GFPT2: variants seen among roughly 807,000 people sequenced by gnomAD.
The protein encoded by GFPT2 is glutamine--fructose-6-phosphate aminotransferase [isomerizing] 2.
In GFPT2, 62 loss-of-function variants were observed where a neutral mutation model predicts 85.6. The ratio of observed to expected loss-of-function variants is 0.72; its 90% CI spans 0.59 to 0.90. The LOEUF is 0.90. Among genes scored for constraint, GFPT2 ranks in the 40% least tolerant of loss-of-function variants. GFPT2 has a pLI of 0.00. For missense variants in GFPT2, 788 were observed against 893.4 expected (o/e 0.88, Z 1.50); for synonymous variants, 368 against 344.5 (o/e 1.07, Z -0.75).
intron 2 of GFPT2, among the ~76,000 whole-genome samples, chr5:180,337,429 G>A (rs1216119675): frequency 4.0e-5 from 6 of 149,602 alleles, no homozygotes. Flanking sequence ...CTTCAGCCTG[G>A]GTGACAGAGC....
intron 9 of GFPT2, among the ~76,000 whole-genome samples, chr5:180,321,933 G>A (rs910865651): frequency 1.6e-4 from 25 of 151,782 alleles, no homozygotes; most frequent in African/African-American, 3.9e-4. Context: ...ACAGGCCTCC[G>A]CCACCACGCC....
chr5:180,322,893 G>C (rs1027157677), intron 9 of GFPT2, among the ~76,000 whole-genome samples: 1 of 151,892 alleles, frequency 6.6e-6, no homozygotes, highest in Non-Finnish European at 1.5e-5. Context: ...AAAATTAGCC[G>C]GGCGTGGTGG....
At chr5:180,315,810 T>C (rs1438844257) in intron 13 of GFPT2, among the ~76,000 whole-genome samples, 4 of 152,054 alleles carry the variant, frequency 2.6e-5, no homozygotes, top group Non-Finnish European at 4.4e-5. Context: ...CCAGATGGGG[T>C]GCATGTAGCT....
chr5:180,312,705 T>A (rs1763917401), intron 14 of GFPT2, among the ~76,000 whole-genome samples, 161 bp from the exon 15 acceptor site: 1 of 152,122 alleles, frequency 6.6e-6, no homozygotes, highest in African/African-American at 2.4e-5. Flanking sequence ...CACCTCAGCC[T>A]CCCGAGTAAC....
rs934631973 is a variant in GFPT2 at position 180,323,996 on chromosome 5, C to A, written c.794+192G>T. 6.6e-5 allele frequency among the ~76,000 whole-genome samples: 10 copies of A among 152,270 alleles called. No homozygotes were observed. Among genetic ancestry groups the A allele is most frequent in the African/African-American group, 2.4e-4 (10 of 41,480 alleles). On this transcript the variant is annotated intron_variant, in intron 9 of 18. Transcript: ENST00000253778. This position sits in a 1 kb window ranked among gnomAD's most constrained non-coding sequence, Gnocchi z 4.0. ...GGCCTTTGGCCACCAGGGCTGCCTA[C>A]CACAGTCATGCAGGTGCTCCTAGGA... is the stretch of plus-strand genomic sequence containing the variant.
At chr5:180,324,379 T>C (rs1764173798) in intron 8 of GFPT2, 74 bp from the exon 9 acceptor site, 1 of 883,300 alleles carries the variant, frequency 1.1e-6, no homozygotes, top group South Asian at 1.6e-5. Context: ...AGGAACCAAT[T>C]TCCCCTCTGA....
At chr5:180,349,075 C>G (rs988465403) in intron 1 of GFPT2, among the ~76,000 whole-genome samples, 1 of 151,776 alleles carries the variant, frequency 6.6e-6, no homozygotes, top group Non-Finnish European at 1.5e-5. Context: ...GCCAGTGTCC[C>G]TTTCATTCTT....
In GFPT2 at chr5:180,330,617, T is replaced by C. The variant is rs941185696; in HGVS notation, c.534+83A>G. The C allele has an allele frequency of 5.2e-6, 6 of 1,158,894 alleles. No individual in the cohort carries two copies. The East Asian group carries it at 7.0e-5, about 14-fold the overall frequency. The allele number at this position is 1,158,894 out of a possible 1,614,324, so 71.8% of individuals were successfully genotyped here. ...ACAAGGGCTTATAAAAAATGAAGGA[T>C]TCCTTGGCACTTGCTGCTTGAAAAA... On this transcript the variant is annotated intron_variant, in intron 6 of 18. Transcript: ENST00000253778. The surrounding 1 kb of genome is among the most constrained non-coding windows in gnomAD (Gnocchi z 4.4).
At chr5:180,307,445 C>G (rs916228443) in intron 15 of GFPT2, 142 bp from the exon 16 acceptor site, 3 of 774,508 alleles carry the variant, frequency 3.9e-6, no homozygotes, top group African/African-American at 1.7e-5. Context: ...TCGTTTCAAA[C>G]GTAGATTACA....
At chr5:180,341,886 T>A (rs1189447872) in intron 1 of GFPT2, among the ~76,000 whole-genome samples, 4 of 152,240 alleles carry the variant, frequency 2.6e-5, no homozygotes, top group African/African-American at 9.6e-5. Context: ...GAGGTACTTT[T>A]GTCACCTTAT....
intron 15 of GFPT2, among the ~76,000 whole-genome samples, chr5:180,308,061 C>T (rs1763813019): frequency 6.6e-6 from 1 of 152,098 alleles, no homozygotes; most frequent in Non-Finnish European, 1.5e-5. Context: ...TCGAGACCAT[C>T]CTGGCTAACA....
chr5:180,315,212 C>T (rs1045870257), intron 13 of GFPT2, among the ~76,000 whole-genome samples: 18 of 150,902 alleles, frequency 1.2e-4, no homozygotes, highest in African/African-American at 4.2e-4. Flanking sequence ...GAGTCTCGCT[C>T]TGTCGCCCAG....
intron 2 of GFPT2, among the ~76,000 whole-genome samples, chr5:180,338,093 C>A (rs976788544): frequency 5.9e-5 from 9 of 152,278 alleles, no homozygotes; most frequent in Middle Eastern, 3.4e-3. Flanking sequence ...GAACTGCACT[C>A]CAGCCTGAGT....
chr5:180,325,234 C>T (rs762774234), intron 7 of GFPT2, among the ~76,000 whole-genome samples: 4 of 152,142 alleles, frequency 2.6e-5, no homozygotes, highest in South Asian at 2.1e-4. Context: ...GCAGAGGAGG[C>T]GCTGGTGGGG....
At chr5:180,326,024 CTAAATAAA>C (rs60825853) in intron 7 of GFPT2, among the ~76,000 whole-genome samples, 3,340 of 150,730 alleles carry the variant, frequency 0.022, 125 homozygotes, top group African/African-American at 0.078. Flanking sequence ...GACTCCATCT[CTAAATAAA>C]TAAATAAATA....
At chr5:180,321,183 A>AT (rs142980881) in intron 9 of GFPT2, among the ~76,000 whole-genome samples, 6,736 of 148,262 alleles carry the variant, frequency 0.045, 247 homozygotes, top group South Asian at 0.068. Context: ...ATAGAAATAT[A>AT]TTTTTTTGTA....
rs1763665299 is a variant in GFPT2, at chr5:180,301,169, C to T, written c.*395G>A. The stretch of plus-strand genomic sequence containing the variant: ...ATGAACAGTTTGGCCGTTACCACGG[C>T]TACAGAAAGCCACATACTAGAAAAA... On this transcript the variant is annotated 3_prime_UTR_variant, in exon 19 of 19. Coordinates refer to ENST00000253778, the MANE Select transcript of GFPT2 (RefSeq NM_005110.4). The T allele has an allele frequency of 4.7e-6, 1 of 210,768 alleles. No individual in the cohort carries two copies. The highest frequency in any genetic ancestry group is 9.5e-6 in the Non-Finnish European group (1 of 105,064). The allele number at this position is 210,768 out of a possible 1,614,324, so 13.1% of individuals were successfully genotyped here.
At chr5:180,345,639 C>T (rs1005730850) in intron 1 of GFPT2, among the ~76,000 whole-genome samples, 3 of 152,234 alleles carry the variant, frequency 2.0e-5, no homozygotes, top group Non-Finnish European at 2.9e-5. Context: ...TGGATTGTAA[C>T]CTTCTGGAGG....
chr5:180,301,398 C>T lies in GFPT2; in HGVS notation c.*166G>A, dbSNP rs918288335. The T allele has an allele frequency of 3.0e-6, 2 of 665,300 alleles. No individual in the cohort carries two copies. The highest frequency in any genetic ancestry group is 5.5e-6 in the Non-Finnish European group (2 of 366,390). The allele number at this position is 665,300 out of a possible 1,614,324, so 41.2% of individuals were successfully genotyped here. A position where few individuals can be genotyped will look rare whatever the true frequency, so the allele number is the denominator to read the frequency against. Reference sequence around the variant, plus strand: ...TCAGGACACAGAGAAACAGTATCTGCTGTAAGCAAAAGCACTTGGGTAGAA... The same window carrying T: ...TCAGGACACAGAGAAACAGTATCTGTTGTAAGCAAAAGCACTTGGGTAGAA... On this transcript the variant is annotated 3_prime_UTR_variant, in exon 19 of 19. Transcript: ENST00000253778.
Sources: allele counts gnomAD v4.1 joint callset (sites outside exome capture counted in the v4.1 genomes callset), GRCh38; gene constraint gnomAD v4.1.1; non-coding constraint Gnocchi (gnomAD v3.1); transcripts MANE v1.5; gene names NCBI Gene and HGNC (gene_info 2026-07-23, HGNC 2026-07-21).